The following TRIO variants were observed in gnomAD, a reference collection of about 807,000 sequenced individuals.
TRIO encodes triple functional domain protein.
TRIO carries 58 observed loss-of-function variants against 351.9 expected under a neutral mutation model. The ratio of observed to expected loss-of-function variants is 0.16; its 90% CI spans 0.13 to 0.21. TRIO has a LOEUF of 0.21. Ranked by LOEUF, TRIO falls within the 10% of genes least tolerant of loss-of-function variation. The probability of loss-of-function intolerance (pLI) is 1.00; values close to 1 mark genes in which losing one functional copy is unlikely to be tolerated. For synonymous variants in TRIO, 1,758 were observed against 1,595.7 expected (o/e 1.10, Z -2.42); for missense variants, 3,201 against 4,027.8 (o/e 0.79, Z 5.56).
chr5:14,479,182 C>G lies in TRIO; in HGVS notation c.6154-79C>G, dbSNP rs1755331087. On this transcript the variant is annotated intron_variant, in intron 41 of 56. Coordinates refer to ENST00000344204, the MANE Select transcript of TRIO (RefSeq NM_007118.4). ...TAAGATGAGTGCCTTTATGAATGTG[C>G]TGAAATGTGCGGGTACTCGTGTATT... is the stretch of plus-strand genomic sequence containing the variant. 32 of 1,216,822 alleles carry G rather than the reference C, an allele frequency of 2.6e-5. No individual in the cohort carries two copies. The South Asian group carries it at 4.0e-4, about 15-fold the overall frequency. 75.4% of individuals were successfully genotyped at this position (1,216,822 alleles called of 1,614,324 possible).
intron 33 of TRIO, among the ~76,000 whole-genome samples, chr5:14,415,266 G>A (rs899789987): frequency 1.3e-5 from 2 of 152,192 alleles, no homozygotes; most frequent in African/African-American, 4.8e-5. Context: ...TCTTGTTCTT[G>A]AAGTAGAATT....
At position 14,363,692 on chromosome 5, in the gene TRIO, G is replaced by A. The variant is rs759895448; in HGVS notation, c.2392-40G>A. The A allele has an allele frequency of 8.2e-6, 13 of 1,587,192 alleles. No homozygotes were observed. In the South Asian group the frequency reaches 1.1e-4, roughly 14 times the overall value. On this transcript the variant is annotated intron_variant, in intron 13 of 56. Coordinates refer to ENST00000344204, the MANE Select transcript of TRIO (RefSeq NM_007118.4). ...GGTACAGAGTGAGAGGTGGCTGCAT[G>A]TATATTTTTTTTGTCTTGATCTTAA... is the stretch of plus-strand genomic sequence containing the variant.
intron 1 of TRIO, among the ~76,000 whole-genome samples, chr5:14,266,267 G>T (rs1422953793): frequency 2.6e-5 from 4 of 152,022 alleles, no homozygotes; most frequent in Admixed American, 6.5e-5. Context: ...TCACCATTCT[G>T]CCCAGGCTGG....
intron 20 of TRIO, among the ~76,000 whole-genome samples, chr5:14,379,031 T>C (rs1247513765): frequency 6.6e-6 from 1 of 152,198 alleles, no homozygotes; most frequent in Non-Finnish European, 1.5e-5. Flanking sequence ...ATATTAAGAT[T>C]CCTGTCACTT....
chr5:14,151,731 T>C (rs778451169), intron 1 of TRIO, among the ~76,000 whole-genome samples: 1 of 152,222 alleles, frequency 6.6e-6, no homozygotes, highest in Non-Finnish European at 1.5e-5. Context: ...CATTGACCCA[T>C]CCACTTTTTC....
chr5:14,442,504 G>A (rs529151902), intron 34 of TRIO, among the ~76,000 whole-genome samples: 3 of 152,302 alleles, frequency 2.0e-5, no homozygotes, highest in South Asian at 2.1e-4. Flanking sequence ...AGTTGGCTGC[G>A]TGAATGTTGC....
At chr5:14,404,873 A>AT (rs1748566423) in intron 31 of TRIO, among the ~76,000 whole-genome samples, 1 of 152,010 alleles carries the variant, frequency 6.6e-6, no homozygotes, top group Non-Finnish European at 1.5e-5. Context: ...ATGGGCTTTG[A>AT]TTTTCTGTTT....
At chr5:14,196,947 C>T (rs983714331) in intron 1 of TRIO, among the ~76,000 whole-genome samples, 2 of 152,168 alleles carry the variant, frequency 1.3e-5, no homozygotes, top group African/African-American at 4.8e-5. Context: ...TCAGGTGAGT[C>T]TAAATTGATT....
intron 37 of TRIO, among the ~76,000 whole-genome samples, chr5:14,467,490 A>G (rs1754350422): frequency 6.6e-6 from 1 of 152,208 alleles, no homozygotes; most frequent in Non-Finnish European, 1.5e-5. Context: ...GGTGTGGTAG[A>G]TAACTCACGA....
chr5:14,373,310 G>GA (rs1255368765), intron 18 of TRIO, among the ~76,000 whole-genome samples: 2 of 151,986 alleles, frequency 1.3e-5, no homozygotes, highest in East Asian at 1.9e-4. Context: ...TCTCTTAATT[G>GA]AAAAAAAGGT....
chr5:14,219,974 A>ATT (rs34731809), intron 1 of TRIO, among the ~76,000 whole-genome samples: 163 of 129,318 alleles, frequency 1.3e-3, no homozygotes, highest in Middle Eastern at 4.2e-3. Context: ...ATGTACAGGC[A>ATT]TTTTTTTTTT....
At chr5:14,391,066 A>G in intron 27 of TRIO, 76 bp downstream of exon 27, 2 of 1,133,816 alleles carry the variant, frequency 1.8e-6, no homozygotes, top group South Asian at 1.5e-5. Flanking sequence ...CATAACTTTC[A>G]CCTAATTGAT....
intron 11 of TRIO, among the ~76,000 whole-genome samples, chr5:14,351,453 C>A (rs1313068735): frequency 1.3e-5 from 2 of 152,190 alleles, no homozygotes; most frequent in Non-Finnish European, 2.9e-5. Flanking sequence ...TTTCATACTT[C>A]CCCTGCTGGC....
At chr5:14,183,341 C>T (rs892675821) in intron 1 of TRIO, among the ~76,000 whole-genome samples, 1 of 151,962 alleles carries the variant, frequency 6.6e-6, no homozygotes, top group African/African-American at 2.4e-5. Flanking sequence ...AGGGGCTTTT[C>T]TCTCCCCTTC....
chr5:14,355,063 C>T (rs1270613462), intron 11 of TRIO, among the ~76,000 whole-genome samples: 5 of 151,902 alleles, frequency 3.3e-5, no homozygotes, highest in South Asian at 2.1e-4. Context: ...GCAGTGGCTC[C>T]GTGCGACTCA....
At chr5:14,168,062 C>T (rs1048774850) in intron 1 of TRIO, among the ~76,000 whole-genome samples, 7 of 152,178 alleles carry the variant, frequency 4.6e-5, no homozygotes, top group East Asian at 1.9e-4. Context: ...AATTAGTACT[C>T]TTAAGAATGT....
chr5:14,260,709 G>A (rs1795294557), intron 1 of TRIO, among the ~76,000 whole-genome samples: 1 of 152,222 alleles, frequency 6.6e-6, no homozygotes, highest in Non-Finnish European at 1.5e-5. Flanking sequence ...ATGAATTAAT[G>A]GGATTTTTGC....
At chr5:14,485,316 T>C (rs1755838741) in intron 47 of TRIO, 70 bp downstream of exon 47, 2 of 1,446,500 alleles carry the variant, frequency 1.4e-6, no homozygotes, top group Admixed American at 2.2e-5. Context: ...ATCTTCCCTC[T>C]CCCATTCATA....
intron 9 of TRIO, among the ~76,000 whole-genome samples, chr5:14,325,287 C>T (rs1362219458): frequency 6.6e-6 from 1 of 152,140 alleles, no homozygotes; most frequent in Admixed American, 6.5e-5. Context: ...TGGGTAATTT[C>T]TAAAGAAAAC....
Sources: gnomAD v4.1 joint callset for allele counts (sites outside exome capture counted in the v4.1 genomes callset) on GRCh38, gnomAD v4.1.1 for gene constraint, MANE v1.5 for transcripts, NCBI Gene and HGNC (gene_info 2026-07-23, HGNC 2026-07-21) for gene names.